Variants in EHBP1 observed in about 807,000 individuals in gnomAD.
The protein encoded by EHBP1 is EH domain-binding protein 1.
Under a neutral mutation model 144.0 loss-of-function variants are expected in EHBP1, and 55 were observed. The ratio of observed to expected loss-of-function variants is 0.38; its 90% CI spans 0.31 to 0.48. The LOEUF (loss-of-function observed/expected upper bound fraction) is 0.48. EHBP1 is among the 20% of genes least tolerant of loss of function. EHBP1 has a pLI of 0.98. For synonymous variants in EHBP1, 469 were observed against 472.7 expected (o/e 0.99, Z 0.10); for missense variants, 1,200 against 1,364.2 (o/e 0.88, Z 1.90).
At chr2:62,746,688 A>G (rs1033947690) in intron 2 of EHBP1, among the ~76,000 whole-genome samples, 1 of 152,086 alleles carries the variant, frequency 6.6e-6, no homozygotes, top group Non-Finnish European at 1.5e-5. Context: ...GAAAAACCAC[A>G]GTTACTTTTG....
rs796533917 is a variant in EHBP1, at chr2:62,784,294, A to AT, written c.312+12909dup. On this transcript the variant is annotated intron_variant, in intron 5 of 22. Coordinates refer to ENST00000431489, the MANE Select transcript of EHBP1 (RefSeq NM_001142616.3). ...TCAAACTGAAGAAGAGAAAGATTGA[A>AT]TTTTTTTATAAAGGAGACCATTGTT... 5.6e-4 allele frequency among the ~76,000 whole-genome samples: 85 copies of AT among 152,298 alleles called. 1 individual carries two copies. The highest frequency in any genetic ancestry group is 1.7e-3 in the African/African-American group (69 of 41,558).
At chr2:62,825,250 A>G (rs1465591204) in intron 5 of EHBP1, among the ~76,000 whole-genome samples, 1 of 152,002 alleles carries the variant, frequency 6.6e-6, no homozygotes, top group Non-Finnish European at 1.5e-5. Flanking sequence ...GTCTTGTACA[A>G]AGTTAATGCA....
chr2:62,794,763 T>C (rs1334808276), intron 5 of EHBP1, among the ~76,000 whole-genome samples: 1 of 152,072 alleles, frequency 6.6e-6, no homozygotes, highest in Non-Finnish European at 1.5e-5. Flanking sequence ...ACAAAGCCTA[T>C]TTTTGGATAA....
intron 9 of EHBP1, among the ~76,000 whole-genome samples, chr2:62,867,677 G>A (rs2050148780): frequency 6.6e-6 from 1 of 152,080 alleles, no homozygotes; most frequent in Admixed American, 6.6e-5. Flanking sequence ...CAAAATTTTA[G>A]CATGCTTTTT....
At chr2:62,795,259 A>G (rs905326187) in intron 5 of EHBP1, among the ~76,000 whole-genome samples, 1 of 151,946 alleles carries the variant, frequency 6.6e-6, no homozygotes, top group African/African-American at 2.4e-5. Context: ...TCCTCCCTCC[A>G]TCCTACCCCA....
At chr2:62,947,474 G>A (rs756408249) in intron 12 of EHBP1, among the ~76,000 whole-genome samples, 3 of 152,054 alleles carry the variant, frequency 2.0e-5, no homozygotes, top group Non-Finnish European at 2.9e-5. Flanking sequence ...ATATCTAGAC[G>A]GTTCTTACTT....
chr2:62,832,532 C>A (rs1393391240), intron 7 of EHBP1, among the ~76,000 whole-genome samples: 1 of 150,438 alleles, frequency 6.6e-6, no homozygotes, highest in African/African-American at 2.4e-5. Flanking sequence ...TCAGTCTTAC[C>A]AACAGCGTGT....
chr2:62,678,764 T>A (rs1403144942), intron 1 of EHBP1, among the ~76,000 whole-genome samples: 1 of 152,182 alleles, frequency 6.6e-6, no homozygotes, highest in African/African-American at 2.4e-5. Context: ...TGTACCCAAA[T>A]ATCTATTGAC....
chr2:62,961,390 T>A (rs2057994016), intron 14 of EHBP1, among the ~76,000 whole-genome samples: 1 of 152,228 alleles, frequency 6.6e-6, no homozygotes, highest in Non-Finnish European at 1.5e-5. Context: ...CTCCCTGAAA[T>A]TATGTCTATG....
intron 7 of EHBP1, chr2:62,858,626 G>A (rs2049266438): frequency 1.5e-6 from 1 of 661,100 alleles, no homozygotes; most frequent in Non-Finnish European, 2.6e-6. Context: ...GCTTTTCCTT[G>A]AATGTTTTCT....
At chr2:63,039,048 G>C (rs914175608) in intron 21 of EHBP1, among the ~76,000 whole-genome samples, 2 of 152,110 alleles carry the variant, frequency 1.3e-5, no homozygotes, top group Admixed American at 6.6e-5. Flanking sequence ...CTTAACTTTT[G>C]ATTCAGTAAG....
chr2:62,686,626 G>A (rs536559733), intron 1 of EHBP1, among the ~76,000 whole-genome samples: 1 of 152,266 alleles, frequency 6.6e-6, no homozygotes, highest in East Asian at 1.9e-4. Context: ...TGTGTATCTG[G>A]AAACAGCTAA....
At chr2:62,785,873 A>G (rs987601985) in intron 5 of EHBP1, among the ~76,000 whole-genome samples, 2 of 152,152 alleles carry the variant, frequency 1.3e-5, no homozygotes, top group Admixed American at 6.5e-5. Context: ...AATGAAACTT[A>G]CGAAACTTTT....
chr2:63,007,700 G>A (rs2060100907), intron 19 of EHBP1, among the ~76,000 whole-genome samples: 2 of 151,784 alleles, frequency 1.3e-5, no homozygotes, highest in Non-Finnish European at 3.0e-5. Flanking sequence ...TAAATAGAAA[G>A]TGTATATTAT....
chr2:62,759,894 A>AT (rs1039135811), intron 3 of EHBP1, among the ~76,000 whole-genome samples: 16 of 151,186 alleles, frequency 1.1e-4, no homozygotes, highest in South Asian at 2.1e-4. Flanking sequence ...CAGTAACACT[A>AT]TTTTTTTTTG....
intron 21 of EHBP1, 106 bp from the exon 22 acceptor site, chr2:63,044,960 G>T (rs928464200): frequency 1.2e-6 from 1 of 809,588 alleles, no homozygotes; most frequent in African/African-American, 1.8e-5. Context: ...CTATAATGTG[G>T]TTTGCTGAGA....
intron 9 of EHBP1, among the ~76,000 whole-genome samples, chr2:62,865,741 A>G (rs1229938728): frequency 2.0e-5 from 3 of 152,216 alleles, no homozygotes; most frequent in East Asian, 3.8e-4. Flanking sequence ...GAGAACAGAA[A>G]CAAGACGAGC....
intron 5 of EHBP1, among the ~76,000 whole-genome samples, chr2:62,786,646 TTAAAGA>T (rs2042824216): frequency 6.6e-6 from 1 of 152,258 alleles, no homozygotes; most frequent in Non-Finnish European, 1.5e-5. Flanking sequence ...ACCTTGAATC[TTAAAGA>T]TTAAGTTAGC....
intron 15 of EHBP1, among the ~76,000 whole-genome samples, chr2:62,983,899 G>A (rs994959967): frequency 3.3e-5 from 5 of 152,182 alleles, no homozygotes; most frequent in African/African-American, 7.2e-5. Context: ...TTGGATGAAT[G>A]AAGAAATTTT....
Sources: allele counts gnomAD v4.1 joint callset (sites outside exome capture counted in the v4.1 genomes callset), GRCh38; gene constraint gnomAD v4.1.1; transcripts MANE v1.5; gene names NCBI Gene and HGNC (gene_info 2026-07-23, HGNC 2026-07-21).